The following BCKDHB variants were observed in gnomAD, a reference collection of about 807,000 sequenced individuals.
The protein encoded by BCKDHB is branched chain keto acid dehydrogenase E1 subunit beta, also known as 2-oxoisovalerate dehydrogenase subunit beta, mitochondrial.
Under a neutral mutation model 48.5 loss-of-function variants are expected in BCKDHB, and 41 were observed. That is an observed-to-expected ratio of 0.85 (90% CI 0.66 to 1.10). BCKDHB has a LOEUF of 1.10. Among genes scored for constraint, BCKDHB ranks in the 50% least tolerant of loss-of-function variants. BCKDHB has a pLI of 0.00. For synonymous variants in BCKDHB, 201 were observed against 174.8 expected, an observed-to-expected ratio of 1.15 and a Z score of -1.18; for missense variants, 496 against 494.2, an observed-to-expected ratio of 1.00 and a Z score of -0.03.
chr6:80,192,318 C>T (rs1331859220), intron 6 of BCKDHB, among the ~76,000 whole-genome samples: 3 of 151,786 alleles, frequency 2.0e-5, no homozygotes, highest in African/African-American at 7.3e-5. Flanking sequence ...TGTAGAATGG[C>T]TTTAAAATAT....
At chr6:80,159,295 C>A (rs561253560) in intron 3 of BCKDHB, among the ~76,000 whole-genome samples, 6 of 147,268 alleles carry the variant, frequency 4.1e-5, no homozygotes, top group South Asian at 2.2e-4. Flanking sequence ...TATAAAAAAA[C>A]CCAAAAAAAC....
intron 1 of BCKDHB, among the ~76,000 whole-genome samples, chr6:80,120,013 C>T (rs1309321990): frequency 6.6e-6 from 1 of 152,086 alleles, no homozygotes; most frequent in Non-Finnish European, 1.5e-5. Flanking sequence ...CCTCCCCCAG[C>T]TTCCCAATCC....
chr6:80,385,986 C>T, the BCKDHB span, among the ~76,000 whole-genome samples: 9 of 152,146 alleles, frequency 5.9e-5, no homozygotes, highest in Admixed American at 5.2e-4. Flanking sequence ...AGCTGAAATG[C>T]GGATTAAAAG....
chr6:80,245,328 TA>T (rs1214406936), intron 8 of BCKDHB, among the ~76,000 whole-genome samples: 1 of 151,962 alleles, frequency 6.6e-6, no homozygotes, highest in Non-Finnish European at 1.5e-5. Flanking sequence ...AAAACGACCT[TA>T]GGGGGATAGT....
chr6:80,456,732 C>T, the BCKDHB span, among the ~76,000 whole-genome samples: 3 of 152,198 alleles, frequency 2.0e-5, no homozygotes, highest in Non-Finnish European at 2.9e-5. Flanking sequence ...CTTACTGGAT[C>T]ACAATCTATG....
intron 9 of BCKDHB, among the ~76,000 whole-genome samples, chr6:80,274,904 T>A (rs1777906547): frequency 6.6e-6 from 1 of 152,010 alleles, no homozygotes; most frequent in South Asian, 2.1e-4. Context: ...AAGAATACAT[T>A]AGTGAATCCT....
chr6:80,147,892 G>GGA, intron 3 of BCKDHB, among the ~76,000 whole-genome samples: 1 of 152,042 alleles, frequency 6.6e-6, no homozygotes, highest in East Asian at 1.9e-4. Context: ...AGAATTGACA[G>GGA]GATTGTGATT....
chr6:80,293,206 A>G (rs1767029065), intron 9 of BCKDHB, among the ~76,000 whole-genome samples: 2 of 152,188 alleles, frequency 1.3e-5, no homozygotes, highest in South Asian at 2.1e-4. Context: ...TTCCTTCCAC[A>G]CTGACCTAGC....
intron 8 of BCKDHB, among the ~76,000 whole-genome samples, chr6:80,256,961 T>G (rs1308282901): frequency 6.6e-6 from 1 of 152,200 alleles, no homozygotes; most frequent in Non-Finnish European, 1.5e-5. Context: ...TACTCTAAAA[T>G]CTAGTAGTTT....
intron 8 of BCKDHB, among the ~76,000 whole-genome samples, chr6:80,258,458 A>G (rs990821505): frequency 6.6e-6 from 1 of 152,250 alleles, no homozygotes; most frequent in African/African-American, 2.4e-5. Flanking sequence ...AACCTTATAA[A>G]CATCTTTTCA....
intron 8 of BCKDHB, among the ~76,000 whole-genome samples, chr6:80,252,135 TTAAG>T (rs1269039951): frequency 2.6e-5 from 4 of 152,144 alleles, no homozygotes; most frequent in Non-Finnish European, 5.9e-5. Flanking sequence ...CTCAGACAGG[TTAAG>T]TAAGTTGCCC....
intron 3 of BCKDHB, among the ~76,000 whole-genome samples, chr6:80,135,026 A>G (rs574502434): frequency 1.9e-4 from 29 of 152,298 alleles, no homozygotes; most frequent in African/African-American, 7.0e-4. Context: ...TGCTGGGATT[A>G]TAGGTGTGAG....
the BCKDHB span, among the ~76,000 whole-genome samples, chr6:80,406,188 G>C: frequency 6.6e-6 from 1 of 152,174 alleles, no homozygotes; most frequent in African/African-American, 2.4e-5. Flanking sequence ...GTATTCCATG[G>C]TGTATATATG....
At chr6:80,125,952 G>T (rs1428810512) in intron 1 of BCKDHB, among the ~76,000 whole-genome samples, 1 of 152,160 alleles carries the variant, frequency 6.6e-6, no homozygotes, top group African/African-American at 2.4e-5. Flanking sequence ...TGTAAAAATT[G>T]CAATATCTGT....
At position 80,345,496 on chromosome 6, in the gene BCKDHB, TG is replaced by T. The variant is rs1168985534; in HGVS notation, c.*1693del. The stretch of plus-strand genomic sequence containing the variant: ...GTTAACTCTCCCTCATATGTCACTG[TG>T]CTACCATAATCCCTACATTTTCTGT... On this transcript the variant is annotated 3_prime_UTR_variant, in exon 10 of 10. Coordinates refer to ENST00000320393, the MANE Select transcript of BCKDHB (RefSeq NM_183050.4). 1 of 152,224 alleles carries T rather than the reference TG, an allele frequency of 6.6e-6. No homozygotes were observed. The highest frequency in any genetic ancestry group is 1.5e-5 in the Non-Finnish European group (1 of 68,042). The allele number at this position is 152,224 out of a possible 1,614,324, so 9.4% of individuals were successfully genotyped here. A position where few individuals can be genotyped will look rare whatever the true frequency, so the allele number is the denominator to read the frequency against.
chr6:80,358,619 C>T, the BCKDHB span, among the ~76,000 whole-genome samples: 381 of 152,258 alleles, frequency 2.5e-3, 3 homozygotes, highest in African/African-American at 8.6e-3. Flanking sequence ...GAGAAGTCAA[C>T]GCAAAAGGTC....
chr6:80,410,045 T>C, the BCKDHB span, among the ~76,000 whole-genome samples: 1 of 152,210 alleles, frequency 6.6e-6, no homozygotes, highest in East Asian at 1.9e-4. Context: ...CTAGCATCAA[T>C]GGCCTTTACA....
intron 9 of BCKDHB, among the ~76,000 whole-genome samples, chr6:80,337,652 A>G (rs1438220966): frequency 6.6e-6 from 1 of 151,890 alleles, no homozygotes; most frequent in East Asian, 1.9e-4. Flanking sequence ...TCCTGTCCAA[A>G]TAAAATATAT....
In BCKDHB at chr6:80,182,862, T is replaced by C. The variant is rs139527872; in HGVS notation, c.742+11472T>C. 6.8e-4 allele frequency among the ~76,000 whole-genome samples: 103 copies of C among 152,268 alleles called. 2 individuals are homozygous for C. The East Asian group carries it at 0.014, about 21-fold the overall frequency. ...ATGTTACAAATATTGTATAACTTGC[T>C]TTTTTTACCAATATATTTTTGATAT... On this transcript the variant is annotated intron_variant, in intron 6 of 9. Coordinates refer to ENST00000320393, the MANE Select transcript of BCKDHB (RefSeq NM_183050.4).
Sources: gnomAD v4.1 joint callset for allele counts (sites outside exome capture counted in the v4.1 genomes callset) on GRCh38, gnomAD v4.1.1 for gene constraint, MANE v1.5 for transcripts, NCBI Gene and HGNC (gene_info 2026-07-23, HGNC 2026-07-21) for gene names.